The following TOP1 variants were observed in gnomAD, a reference collection of about 807,000 sequenced individuals.
TOP1 encodes DNA topoisomerase I.
A neutral mutation model predicts 111.1 loss-of-function variants in TOP1; 10 were observed. That is an observed-to-expected ratio of 0.09 (90% CI 0.06 to 0.15). The LOEUF is 0.15. Ranked by LOEUF, TOP1 falls within the 10% of genes least tolerant of loss-of-function variation. The probability of loss-of-function intolerance (pLI) is 1.00; values close to 1 mark genes in which losing one functional copy is unlikely to be tolerated. For synonymous variants in TOP1, 271 were observed against 302.9 expected (o/e 0.89, Z 1.10); for missense variants, 474 against 926.7 (o/e 0.51, Z 6.34).
intron 17 of TOP1, among the ~76,000 whole-genome samples, chr20:41,117,254 G>C (rs1325661797): frequency 1.3e-5 from 2 of 151,960 alleles, no homozygotes; most frequent in African/African-American, 4.8e-5. Flanking sequence ...CTGGGAGGCT[G>C]AGCCCAGGAG....
rs182079878 is a variant in TOP1 at position 41,115,735 on chromosome 20, G to A, written c.1707+296G>A. Among the ~76,000 whole-genome samples, 31 of 152,286 alleles carry A rather than the reference G, an allele frequency of 2.0e-4. No individual in the cohort carries two copies. Among genetic ancestry groups the A allele is most frequent in the Non-Finnish European group, 2.8e-4 (19 of 68,012 alleles). On this transcript the variant is annotated intron_variant, in intron 16 of 20. Transcript: ENST00000361337. This position sits in a 1 kb window ranked among gnomAD's most constrained non-coding sequence, Gnocchi z 6.3. ...CTTCACTGAATGCCCAGCCACCCCT[G>A]CTGGAGACCCAAAACCTGTCCCTGA...
Position 41,061,253 on chromosome 20 carries a change from T to G in TOP1, c.59-141T>G. ...TTTGTCTGGGCTTCTTTGTGAAAGC[T>G]TTTTTTTTCAGTGGCATGTGCTATT... On this transcript the variant is annotated intron_variant, in intron 2 of 20. Coordinates refer to ENST00000361337, the MANE Select transcript of TOP1 (RefSeq NM_003286.4). This position sits in a 1 kb window ranked among gnomAD's most constrained non-coding sequence, Gnocchi z 4.6. 1 of 662,610 alleles carries G rather than the reference T, an allele frequency of 1.5e-6. No individual in the cohort carries two copies. The highest frequency in any genetic ancestry group is 2.4e-6 in the Non-Finnish European group (1 of 417,764). 41.0% of individuals were successfully genotyped at this position (662,610 alleles called of 1,614,324 possible).
In TOP1 at chr20:41,098,440, C is replaced by A; in HGVS notation, c.975+103C>A. ...GACACAACATTAACATCAGTAATTTCACATCATTCTATGCTAAAGACTTAG... is the reference window on the plus strand; with the variant it reads ...GACACAACATTAACATCAGTAATTTAACATCATTCTATGCTAAAGACTTAG... On this transcript the variant is annotated intron_variant, in intron 11 of 20. Transcript: ENST00000361337. This position sits in a 1 kb window ranked among gnomAD's most constrained non-coding sequence, Gnocchi z 5.7. 2 of 1,271,788 alleles carry A rather than the reference C, an allele frequency of 1.6e-6. No individual in the cohort carries two copies. Among genetic ancestry groups the A allele is most frequent in the Non-Finnish European group, 1.1e-6 (1 of 909,790 alleles). 78.8% of individuals were successfully genotyped at this position (1,271,788 alleles called of 1,614,324 possible).
In TOP1 at chr20:41,030,471, C is replaced by G. The variant is rs2033104604; in HGVS notation, c.58+1016C>G. The stretch of plus-strand genomic sequence containing the variant: ...GCCACTGTTTTTCAGGAATCAAGAA[C>G]TGGCTTTTTTTTTTTTTCCCAATTC... On this transcript the variant is annotated intron_variant, in intron 2 of 20. Transcript: ENST00000361337. The surrounding 1 kb of genome is among the most constrained non-coding windows in gnomAD (Gnocchi z 4.1). Among the ~76,000 whole-genome samples the G allele has an allele frequency of 6.7e-6, 1 of 148,590 alleles. No homozygotes were observed. The highest frequency in any genetic ancestry group is 1.5e-5 in the Non-Finnish European group (1 of 67,480).
intron 9 of TOP1, among the ~76,000 whole-genome samples, chr20:41,096,884 T>C (rs1600587042): frequency 6.6e-6 from 1 of 152,066 alleles, no homozygotes; most frequent in Non-Finnish European, 1.5e-5. Flanking sequence ...TTAAAAACCA[T>C]TGAAGAGGTG....
chr20:41,056,489 TTTTA>T (rs1278085451), intron 2 of TOP1, among the ~76,000 whole-genome samples: 1 of 152,188 alleles, frequency 6.6e-6, no homozygotes, highest in Non-Finnish European at 1.5e-5. Context: ...ATGTAATAAC[TTTTA>T]TTTGTGTTTT....
intron 2 of TOP1, among the ~76,000 whole-genome samples, chr20:41,039,751 A>G (rs1600553204): frequency 6.6e-6 from 1 of 152,118 alleles, no homozygotes; most frequent in Non-Finnish European, 1.5e-5. Flanking sequence ...TACTAAAAAT[A>G]CAAAAAACTA....
In TOP1 at chr20:41,061,297, G is replaced by C. The variant is rs2033541426; in HGVS notation, c.59-97G>C. The C allele has an allele frequency of 8.5e-7, 1 of 1,177,302 alleles. No individual in the cohort carries two copies. The highest frequency in any genetic ancestry group is 1.5e-5 in the South Asian group (1 of 66,440). The allele number at this position is 1,177,302 out of a possible 1,614,324, so 72.9% of individuals were successfully genotyped here. A position where few individuals can be genotyped will look rare whatever the true frequency, so the allele number is the denominator to read the frequency against. On this transcript the variant is annotated intron_variant, in intron 2 of 20. Coordinates refer to ENST00000361337, the MANE Select transcript of TOP1 (RefSeq NM_003286.4). This position sits in a 1 kb window ranked among gnomAD's most constrained non-coding sequence, Gnocchi z 4.6. The stretch of plus-strand genomic sequence containing the variant: ...TGCTATTATGCCTACCATGCCATTT[G>C]AATCCTGTCATTGTACTTCTTGACC...
chr20:41,119,506 A>G (rs2034388172), intron 18 of TOP1, among the ~76,000 whole-genome samples: 1 of 152,254 alleles, frequency 6.6e-6, no homozygotes, highest in Non-Finnish European at 1.5e-5. Context: ...TTGAAATTAT[A>G]GATTTTTTCT....
intron 8 of TOP1, among the ~76,000 whole-genome samples, chr20:41,085,180 G>A (rs1416128084): frequency 1.3e-5 from 2 of 151,868 alleles, no homozygotes; most frequent in Non-Finnish European, 2.9e-5. Context: ...TGAAAGGAAT[G>A]ATCTAATCAG....
At chr20:41,066,405 G>A (rs1229115400) in intron 3 of TOP1, among the ~76,000 whole-genome samples, 2 of 152,104 alleles carry the variant, frequency 1.3e-5, no homozygotes, top group East Asian at 3.9e-4. Flanking sequence ...AACCATGGGA[G>A]TCAATAAATA....
chr20:41,094,007 C>T lies in TOP1; in HGVS notation c.730+1420C>T, dbSNP rs118021492. ...GGCAGAGATTGCAGTGAGCCTAGAT[C>T]GTGCCACTCCCCTCCAGCCTGTGTG... On this transcript the variant is annotated intron_variant, in intron 9 of 20. Coordinates refer to ENST00000361337, the MANE Select transcript of TOP1 (RefSeq NM_003286.4). This position sits in a 1 kb window ranked among gnomAD's most constrained non-coding sequence, Gnocchi z 4.4. Among the ~76,000 whole-genome samples, 1,877 of 152,176 alleles carry T rather than the reference C, an allele frequency of 0.012. 12 individuals are homozygous for T. Among genetic ancestry groups the T allele is most frequent in the Non-Finnish European group, 0.02 (1,355 of 68,004 alleles).
At chr20:41,081,042 C>T in intron 6 of TOP1, 123 bp from the exon 7 acceptor site, 3 of 777,582 alleles carry the variant, frequency 3.9e-6, no homozygotes, top group Non-Finnish European at 5.9e-6. Context: ...CCGTAGAATG[C>T]CCAGCCAAGA....
chr20:41,040,571 C>T (rs1175655061), intron 2 of TOP1, among the ~76,000 whole-genome samples: 1 of 152,066 alleles, frequency 6.6e-6, no homozygotes, highest in Non-Finnish European at 1.5e-5. Context: ...GGGCCAGGCA[C>T]CCCACACTGA....
chr20:41,047,342 A>G (rs2033346855), intron 2 of TOP1, among the ~76,000 whole-genome samples: 1 of 152,248 alleles, frequency 6.6e-6, no homozygotes, highest in South Asian at 2.1e-4. Flanking sequence ...CAGATACACA[A>G]ATACTTAACA....
Position 41,102,470 on chromosome 20 carries a change from C to T in TOP1, c.1308+1117C>T, listed in dbSNP as rs2034079303. 1.3e-5 allele frequency among the ~76,000 whole-genome samples: 2 copies of T among 152,094 alleles called. No individual in the cohort carries two copies. The highest frequency in any genetic ancestry group is 2.1e-4 in the South Asian group (1 of 4,814). ...ACTAAAAATACAAAAATTAGCCAGGCGTGGTAGTGGGTGCCTGTAATCCCA... is the reference window on the plus strand; with the variant it reads ...ACTAAAAATACAAAAATTAGCCAGGTGTGGTAGTGGGTGCCTGTAATCCCA... On this transcript the variant is annotated intron_variant, in intron 13 of 20. Transcript: ENST00000361337. The surrounding 1 kb of genome is among the most constrained non-coding windows in gnomAD (Gnocchi z 4.0).
chr20:41,054,363 C>T (rs1043532889), intron 2 of TOP1, among the ~76,000 whole-genome samples: 3 of 151,954 alleles, frequency 2.0e-5, no homozygotes, highest in Admixed American at 1.3e-4. Context: ...TGAAGAAGGA[C>T]GTGTTTGCTT....
chr20:41,051,318 G>A (rs1248170795), intron 2 of TOP1, among the ~76,000 whole-genome samples: 2 of 152,102 alleles, frequency 1.3e-5, no homozygotes, highest in Admixed American at 6.6e-5. Context: ...TCAAAACATG[G>A]CAAAGAGTCT....
chr20:41,116,113 T>A lies in TOP1; in HGVS notation c.1708-165T>A, dbSNP rs371926543. ...TGAAATACTTCATAGAGAGGCATCATGTAACCCTGTATTCTGGAATTCTTT... is the reference window on the plus strand; with the variant it reads ...TGAAATACTTCATAGAGAGGCATCAAGTAACCCTGTATTCTGGAATTCTTT... On this transcript the variant is annotated intron_variant, in intron 16 of 20. Transcript: ENST00000361337. The surrounding 1 kb of genome is among the most constrained non-coding windows in gnomAD (Gnocchi z 5.6). Among the ~76,000 whole-genome samples, 1 of 152,136 alleles carries A rather than the reference T, an allele frequency of 6.6e-6. No homozygotes were observed. The highest frequency in any genetic ancestry group is 2.4e-5 in the African/African-American group (1 of 41,434).
Sources: allele counts gnomAD v4.1 joint callset (sites outside exome capture counted in the v4.1 genomes callset), GRCh38; gene constraint gnomAD v4.1.1; non-coding constraint Gnocchi (gnomAD v3.1); transcripts MANE v1.5; gene names NCBI Gene and HGNC (gene_info 2026-07-23, HGNC 2026-07-21).